Variants in CAV1 observed in about 807,000 individuals in gnomAD.
CAV1 encodes caveolin 1, also known as caveolin-1.
CAV1 carries 10 observed loss-of-function variants against 16.5 expected under a neutral mutation model. The observed-to-expected ratio is 0.61, with a 90% CI of 0.37 to 1.03. The LOEUF (loss-of-function observed/expected upper bound fraction) is 1.03, where lower values mean the gene tolerates loss of function less well. Ranked by LOEUF, CAV1 falls within the 50% of genes least tolerant of loss-of-function variation. The pLI, the probability that CAV1 is intolerant of heterozygous loss-of-function variation, is 0.01. For missense variants in CAV1, 212 were observed against 232.8 expected, an observed-to-expected ratio of 0.91 and a Z score of 0.58; for synonymous variants, 76 against 85.1, an observed-to-expected ratio of 0.89 and a Z score of 0.59.
chr7:116,531,513 A>T (rs1326549994), intron 2 of CAV1, among the ~76,000 whole-genome samples: 1 of 152,202 alleles, frequency 6.6e-6, no homozygotes, highest in Non-Finnish European at 1.5e-5. Context: ...GCAATTGGTG[A>T]TTAATATCAG....
intron 2 of CAV1, among the ~76,000 whole-genome samples, 158 bp from the exon 3 acceptor site, chr7:116,558,788 G>A (rs1321458998): frequency 6.6e-6 from 1 of 152,018 alleles, no homozygotes; most frequent in African/African-American, 2.4e-5. Flanking sequence ...GTGTTCCCAA[G>A]TTCCAAGTGA....
At chr7:116,532,077 C>G (rs1793696920) in intron 2 of CAV1, among the ~76,000 whole-genome samples, 1 of 152,186 alleles carries the variant, frequency 6.6e-6, no homozygotes, top group Non-Finnish European at 1.5e-5. Flanking sequence ...TCGGTTTTAA[C>G]TGAACATGAT....
intron 2 of CAV1, among the ~76,000 whole-genome samples, chr7:116,555,667 G>A (rs1323595363): frequency 6.9e-6 from 1 of 144,956 alleles, no homozygotes; most frequent in Non-Finnish European, 1.5e-5. Flanking sequence ...AGGAAGGAAG[G>A]AAGAGAGAGA....
At chr7:116,537,209 C>T (rs1295542085) in intron 2 of CAV1, among the ~76,000 whole-genome samples, 1 of 152,046 alleles carries the variant, frequency 6.6e-6, no homozygotes, top group South Asian at 2.1e-4. Context: ...TACATATGTG[C>T]TTAATATTCT....
chr7:116,554,252 A>G (rs1794219740), intron 2 of CAV1, among the ~76,000 whole-genome samples: 1 of 152,204 alleles, frequency 6.6e-6, no homozygotes, highest in Non-Finnish European at 1.5e-5. Flanking sequence ...ATACATGTCA[A>G]AATATACTTG....
intron 2 of CAV1, among the ~76,000 whole-genome samples, chr7:116,558,467 A>G (rs1794335218): frequency 2.0e-5 from 3 of 152,054 alleles, no homozygotes; most frequent in South Asian, 4.1e-4. Flanking sequence ...TCTGTGTTTC[A>G]GGTCAGCTTA....
intron 2 of CAV1, among the ~76,000 whole-genome samples, chr7:116,534,362 G>GAGATATATATATAT (rs1293217496): frequency 3.0e-4 from 13 of 42,674 alleles, no homozygotes; most frequent in Non-Finnish European, 5.4e-4. Context: ...GCCCACCTCA[G>GAGATATATATATAT]ATATATATAT....
intron 2 of CAV1, among the ~76,000 whole-genome samples, chr7:116,531,154 A>G (rs185412503): frequency 8.3e-4 from 127 of 152,368 alleles, no homozygotes; most frequent in Non-Finnish European, 1.4e-3. Flanking sequence ...ATCTTTTTAC[A>G]TAGTTACTGC....
At chr7:116,546,490 G>C (rs1204567908) in intron 2 of CAV1, among the ~76,000 whole-genome samples, 1 of 151,062 alleles carries the variant, frequency 6.6e-6, no homozygotes, top group Non-Finnish European at 1.5e-5. Flanking sequence ...AGGAGTTCGA[G>C]ACCAGCCTCG....
At chr7:116,540,078 C>G (rs754080542) in intron 2 of CAV1, among the ~76,000 whole-genome samples, 1 of 152,234 alleles carries the variant, frequency 6.6e-6, no homozygotes, top group Non-Finnish European at 1.5e-5. Context: ...GCTTCCTTCT[C>G]TTTGGCTTTA....
In CAV1 at chr7:116,526,317, TCTGC is replaced by T. The variant is rs61544792; in HGVS notation, c.31-207_31-204del. 6,101 of 1,427,130 alleles carry T rather than the reference TCTGC, an allele frequency of 4.3e-3. 60 individuals carry two copies. Among genetic ancestry groups the T allele is most frequent in the East Asian group, 0.041 (1,493 of 36,732 alleles). The allele number at this position is 1,427,130 out of a possible 1,614,324, so 88.4% of individuals were successfully genotyped here. On this transcript the variant is annotated intron_variant, in intron 1 of 2. Transcript: ENST00000341049. ...CAGAGTACAGAGGGGTGTGGTGTCC[TCTGC>T]GAGATCCTCTTAAAAAGCTGGCTAC... is the stretch of plus-strand genomic sequence containing the variant.
rs540544799 is a variant in CAV1, at chr7:116,543,568, A to G, written c.196-15378A>G. 2.0e-5 allele frequency among the ~76,000 whole-genome samples: 3 copies of G among 152,362 alleles called. 1 individual carries two copies. In the South Asian group the frequency reaches 6.2e-4, roughly 32 times the overall value. The stretch of plus-strand genomic sequence containing the variant: ...GGCTGTATCTGTTCTAAGATGGATC[A>G]GAAAATCAGTTCCAAAGTTGGCTAC... On this transcript the variant is annotated intron_variant, in intron 2 of 2. Transcript: ENST00000341049.
intron 2 of CAV1, among the ~76,000 whole-genome samples, chr7:116,552,885 G>C (rs915612938): frequency 1.3e-5 from 2 of 152,126 alleles, no homozygotes; most frequent in Admixed American, 1.3e-4. Context: ...TGAAATCAAA[G>C]GATTATTACC....
In CAV1 at chr7:116,525,098, C is replaced by T; in HGVS notation, c.30+6C>T. Reference sequence around the variant, plus strand: ...GCAAATACGTAGACTCGGAGGTAGGCATCCGTGGGGGGGCGCCGGCTCGGG... The same window carrying T: ...GCAAATACGTAGACTCGGAGGTAGGTATCCGTGGGGGGGCGCCGGCTCGGG... On this transcript the variant is annotated splice_donor_region_variant and intron_variant, in intron 1 of 2. Transcript: ENST00000341049. 6.2e-7 allele frequency: 1 copy of T among 1,614,016 alleles called. No individual in the cohort carries two copies. The highest frequency in any genetic ancestry group is 1.1e-5 in the South Asian group (1 of 91,086).
At chr7:116,526,299 C>T (rs922272718) in intron 1 of CAV1, 3 of 1,371,488 alleles carry the variant, frequency 2.2e-6, no homozygotes, top group Non-Finnish European at 2.8e-6. Flanking sequence ...CTGCAGAGTA[C>T]AGAGGGGTGT....
intron 2 of CAV1, among the ~76,000 whole-genome samples, chr7:116,551,504 G>A (rs919236887): frequency 1.3e-5 from 2 of 152,146 alleles, no homozygotes; most frequent in Non-Finnish European, 2.9e-5. Flanking sequence ...CCAAATCCCA[G>A]GGCATCTGAT....
chr7:116,525,717 G>C (rs995548663), intron 1 of CAV1: 7 of 1,064,968 alleles, frequency 6.6e-6, no homozygotes, highest in Non-Finnish European at 8.1e-6. Flanking sequence ...CCCGGGTGTG[G>C]AAACCTCGTC....
At position 116,555,621 on chromosome 7, in the gene CAV1, G is replaced by A. The variant is rs200260468; in HGVS notation, c.196-3325G>A. 8.7e-3 allele frequency among the ~76,000 whole-genome samples: 1,080 copies of A among 123,726 alleles called. 83 individuals are homozygous for A. The highest frequency in any genetic ancestry group is 0.058 in the East Asian group (200 of 3,436). The allele number at this position is 123,726 out of a possible 152,430, so 81.2% of individuals were successfully genotyped here. ...GAAAGAAAGAGAAAGAAAGAAAGAA[G>A]GGAGGGAGGGAGGGAGAGGAGAGAA... On this transcript the variant is annotated intron_variant, in intron 2 of 2. Coordinates refer to ENST00000341049, the MANE Select transcript of CAV1 (RefSeq NM_001753.5).
In CAV1 at chr7:116,559,277, A is replaced by G. The variant is rs768455935; in HGVS notation, c.527A>G (p.Lys176Arg). Reference sequence around the variant, plus strand: ...AGCAATGTCCGCATCAACTTGCAGAAAGAAATATAAATGACATTTCAAGGA... The same window carrying G: ...AGCAATGTCCGCATCAACTTGCAGAGAGAAATATAAATGACATTTCAAGGA... Reference protein sequence around the residue: ...IFSNVRINLQKEI With the variant: ...IFSNVRINLQREI Residue 176 changes from lysine to arginine, a missense_variant, in exon 3 of 3, where the codon AAA becomes AGA. Transcript: ENST00000341049. 1 of 1,611,098 alleles carries G rather than the reference A, an allele frequency of 6.2e-7. No individual in the cohort carries two copies. The highest frequency in any genetic ancestry group is 8.5e-7 in the Non-Finnish European group (1 of 1,177,348).
Sources: gnomAD v4.1 joint callset for allele counts (sites outside exome capture counted in the v4.1 genomes callset) on GRCh38, gnomAD v4.1.1 for gene constraint, MANE v1.5 for transcripts, NCBI Gene and HGNC (gene_info 2026-07-23, HGNC 2026-07-21) for gene names.